Variants in OSBPL2 observed in about 807,000 individuals in gnomAD.
The protein encoded by OSBPL2 is oxysterol binding protein like 2.
A neutral mutation model predicts 58.4 loss-of-function variants in OSBPL2; 18 were observed. The observed-to-expected ratio is 0.31, with a 90% CI of 0.21 to 0.46. OSBPL2 has a LOEUF of 0.46. OSBPL2 is among the 20% of genes least tolerant of loss of function. OSBPL2 has a pLI of 1.00. For synonymous variants in OSBPL2, 221 were observed against 234.1 expected, an observed-to-expected ratio of 0.94 and a Z score of 0.51; for missense variants, 461 against 616.5, an observed-to-expected ratio of 0.75 and a Z score of 2.67.
intron 4 of OSBPL2, among the ~76,000 whole-genome samples, chr20:62,266,044 C>T (rs1981637658): frequency 6.6e-6 from 1 of 152,038 alleles, no homozygotes; most frequent in South Asian, 2.1e-4. Flanking sequence ...ATGGCTTGAG[C>T]CCAGGAGTTT....
chr20:62,282,519 A>G (rs1982858085), intron 9 of OSBPL2, among the ~76,000 whole-genome samples: 1 of 152,224 alleles, frequency 6.6e-6, no homozygotes, highest in African/African-American at 2.4e-5. Context: ...GACATTTCCC[A>G]TTAGAAACTA....
chr20:62,284,234 T>A (rs1408268991), intron 10 of OSBPL2, 65 bp downstream of exon 10: 3 of 1,603,726 alleles, frequency 1.9e-6, no homozygotes, highest in Non-Finnish European at 2.6e-6. Context: ...AGGCCGCTGC[T>A]GCCTTTAGCT....
At chr20:62,248,507 T>A (rs1285184096) in intron 1 of OSBPL2, among the ~76,000 whole-genome samples, 1 of 152,098 alleles carries the variant, frequency 6.6e-6, no homozygotes, top group Non-Finnish European at 1.5e-5. Context: ...GATTTTAGAA[T>A]CTTTTTGTGA....
At chr20:62,272,068 C>T (rs1189582475) in intron 4 of OSBPL2, 57 bp from the exon 5 acceptor site, 11 of 1,597,330 alleles carry the variant, frequency 6.9e-6, no homozygotes, top group Non-Finnish European at 8.6e-6. Flanking sequence ...GGGCATCGGG[C>T]AGCCCAGCGG....
intron 1 of OSBPL2, among the ~76,000 whole-genome samples, chr20:62,254,777 G>C (rs531037332): frequency 4.4e-4 from 67 of 152,352 alleles, no homozygotes; most frequent in African/African-American, 1.6e-3. Context: ...TTCATCAAAC[G>C]CTGCTTTTCC....
intron 8 of OSBPL2, 145 bp from the exon 9 acceptor site, chr20:62,281,645 C>A: frequency 1.7e-6 from 1 of 599,714 alleles, no homozygotes; most frequent in Non-Finnish European, 3.1e-6. Context: ...TCAAACACTT[C>A]CATCGCCCCA....
At chr20:62,287,680 T>C (rs1983221121) in intron 11 of OSBPL2, among the ~76,000 whole-genome samples, 1 of 152,200 alleles carries the variant, frequency 6.6e-6, no homozygotes, top group Non-Finnish European at 1.5e-5. Flanking sequence ...GGTCTCGAAC[T>C]CCTGGCCTCA....
At chr20:62,243,044 C>T (rs1979836439) in intron 1 of OSBPL2, among the ~76,000 whole-genome samples, 2 of 152,196 alleles carry the variant, frequency 1.3e-5, no homozygotes, top group Admixed American at 1.3e-4. Context: ...TAACCTGGGA[C>T]CTTGTGCCAC....
chr20:62,282,672 C>A (rs1369505302), intron 9 of OSBPL2, among the ~76,000 whole-genome samples: 5 of 152,164 alleles, frequency 3.3e-5, no homozygotes, highest in Non-Finnish European at 5.9e-5. Context: ...ACTAAAAATA[C>A]GAAAATTAGC....
intron 13 of OSBPL2, among the ~76,000 whole-genome samples, chr20:62,293,139 G>A (rs910321093): frequency 2.0e-5 from 3 of 151,834 alleles, no homozygotes; most frequent in African/African-American, 4.8e-5. Flanking sequence ...CTGGAATTAC[G>A]GGCGTGAGCC....
chr20:62,246,921 G>A (rs778329406), intron 1 of OSBPL2, among the ~76,000 whole-genome samples: 1 of 152,178 alleles, frequency 6.6e-6, no homozygotes, highest in Non-Finnish European at 1.5e-5. Flanking sequence ...ATGCTCGTAG[G>A]TGACACTTGT....
At chr20:62,285,263 T>C (rs908577349) in intron 10 of OSBPL2, 5 of 152,206 alleles carry the variant, frequency 3.3e-5, no homozygotes, top group Non-Finnish European at 7.3e-5. Flanking sequence ...GGTAAATCCA[T>C]TTAGCGATGT....
chr20:62,269,346 G>C lies in OSBPL2; in HGVS notation c.259-2779G>C, dbSNP rs1981902820. Among the ~76,000 whole-genome samples, 1 of 152,232 alleles carries C rather than the reference G, an allele frequency of 6.6e-6. No homozygotes were observed. The highest frequency in any genetic ancestry group is 2.4e-5 in the African/African-American group (1 of 41,458). On this transcript the variant is annotated intron_variant, in intron 4 of 13. Coordinates refer to ENST00000313733, the MANE Select transcript of OSBPL2 (RefSeq NM_144498.4). The surrounding 1 kb of genome is among the most constrained non-coding windows in gnomAD (Gnocchi z 4.2). Reference sequence around the variant, plus strand: ...CGGCAGCAAAGAGCCCTGCATGTGTGTTTGGCCGAGGCTCTGTGGGATAGG... The same window carrying C: ...CGGCAGCAAAGAGCCCTGCATGTGTCTTTGGCCGAGGCTCTGTGGGATAGG...
chr20:62,243,462 G>A (rs927831453), intron 1 of OSBPL2, among the ~76,000 whole-genome samples: 1 of 61,770 alleles, frequency 1.6e-5, no homozygotes, highest in Non-Finnish European at 5.2e-5. Flanking sequence ...CGCCTGCCCC[G>A]CAGCGCCTGC....
rs1983260837 is a variant in OSBPL2, at chr20:62,288,283, C to T, written c.1126-924C>T. Among the ~76,000 whole-genome samples, 1 of 152,130 alleles carries T rather than the reference C, an allele frequency of 6.6e-6. No individual in the cohort carries two copies. The highest frequency in any genetic ancestry group is 1.5e-5 in the Non-Finnish European group (1 of 68,028). ...GCTGCTTGCTGAGATGCTGTGAGGG[C>T]AGCAACAGAAGAGGGAGGACACGGG... On this transcript the variant is annotated intron_variant, in intron 11 of 13. Transcript: ENST00000313733. The surrounding 1 kb of genome is among the most constrained non-coding windows in gnomAD (Gnocchi z 4.8).
In OSBPL2 at chr20:62,288,404, A is replaced by T. The variant is rs994082458; in HGVS notation, c.1126-803A>T. ...GGAGGCTGTGGGTGCAGAGGCTGGG[A>T]GGCTGTGGGTGCAGAGGCTGGGAGG... On this transcript the variant is annotated intron_variant, in intron 11 of 13. Coordinates refer to ENST00000313733, the MANE Select transcript of OSBPL2 (RefSeq NM_144498.4). This position sits in a 1 kb window ranked among gnomAD's most constrained non-coding sequence, Gnocchi z 4.8. Among the ~76,000 whole-genome samples, 1 of 148,008 alleles carries T rather than the reference A, an allele frequency of 6.8e-6. No homozygotes were observed. The highest frequency in any genetic ancestry group is 6.7e-5 in the Admixed American group (1 of 14,952).
intron 3 of OSBPL2, among the ~76,000 whole-genome samples, chr20:62,262,875 CG>C (rs1373248220): frequency 1.3e-5 from 2 of 152,156 alleles, no homozygotes; most frequent in Non-Finnish European, 2.9e-5. Flanking sequence ...CAGGGAGCCC[CG>C]GGCCCCTACT....
rs111911119 is a variant in OSBPL2, at chr20:62,267,883, T to TTTTATTTA, written c.258+4200_258+4207dup. On this transcript the variant is annotated intron_variant, in intron 4 of 13. Transcript: ENST00000313733. ...GTATATCTCAAATGTCTGCATTATTTTTTATTTATTTATTTTTTTGAGGGA... is the reference window on the plus strand; with the variant it reads ...GTATATCTCAAATGTCTGCATTATTTTTTATTTATTTATTTATTTATTTTTTTGAGGGA... Among the ~76,000 whole-genome samples, 9 of 151,306 alleles carry TTTTATTTA rather than the reference T, an allele frequency of 5.9e-5. No individual in the cohort carries two copies. In the East Asian group the frequency reaches 9.7e-4, roughly 16 times the overall value.
chr20:62,281,030 C>G (rs1184837395), intron 7 of OSBPL2, 28 bp from the exon 8 acceptor site: 3 of 1,562,140 alleles, frequency 1.9e-6, no homozygotes, highest in South Asian at 2.2e-5. Context: ...TCTGGACTCT[C>G]ACTGCTTGTT....
Sources: gnomAD v4.1 joint callset for allele counts (sites outside exome capture counted in the v4.1 genomes callset) on GRCh38, gnomAD v4.1.1 for gene constraint, Gnocchi (gnomAD v3.1) non-coding constraint, MANE v1.5 for transcripts, NCBI Gene and HGNC (gene_info 2026-07-23, HGNC 2026-07-21) for gene names.